The following ATP8A1 variants were observed in gnomAD, a reference collection of about 807,000 sequenced individuals.
ATP8A1 encodes ATPase phospholipid transporting 8A1, also known as phospholipid-transporting ATPase IA.
ATP8A1 carries 90 observed loss-of-function variants against 177.7 expected under a neutral mutation model. The observed-to-expected ratio is 0.51, with a 90% CI of 0.43 to 0.60. The LOEUF (loss-of-function observed/expected upper bound fraction) is 0.60, where lower values mean the gene tolerates loss of function less well. Ranked by LOEUF, ATP8A1 falls within the 20% of genes least tolerant of loss-of-function variation. ATP8A1 has a pLI of 0.00. For synonymous variants in ATP8A1, 493 were observed against 485.9 expected (o/e 1.01, Z -0.19); for missense variants, 1,072 against 1,392.8 (o/e 0.77, Z 3.67).
intron 1 of ATP8A1, among the ~76,000 whole-genome samples, chr4:42,641,681 G>GA (rs2109548844): frequency 6.6e-6 from 1 of 152,220 alleles, no homozygotes; most frequent in Non-Finnish European, 1.5e-5. Context: ...AGATAGAACT[G>GA]AATTACAGCT....
At chr4:42,462,487 C>G (rs776012571) in intron 27 of ATP8A1, among the ~76,000 whole-genome samples, 10 of 152,226 alleles carry the variant, frequency 6.6e-5, no homozygotes, top group Non-Finnish European at 1.5e-4. Flanking sequence ...TGGTGTTGAG[C>G]CTGAGAGTGC....
At chr4:42,560,031 G>C (rs1156974370) in intron 15 of ATP8A1, among the ~76,000 whole-genome samples, 1 of 152,094 alleles carries the variant, frequency 6.6e-6, no homozygotes. Context: ...TAATAGCAAA[G>C]AGTTAGGAAA....
At chr4:42,634,805 ATG>A (rs2109520855) in intron 1 of ATP8A1, among the ~76,000 whole-genome samples, 1 of 152,346 alleles carries the variant, frequency 6.6e-6, no homozygotes, top group Admixed American at 6.5e-5. Flanking sequence ...TAAATAGGCT[ATG>A]TAGTCAGATG....
At chr4:42,606,575 G>C (rs886640551) in intron 5 of ATP8A1, among the ~76,000 whole-genome samples, 1 of 152,142 alleles carries the variant, frequency 6.6e-6, no homozygotes, top group Non-Finnish European at 1.5e-5. Flanking sequence ...TCACCAGCTA[G>C]TCCGTCTCAT....
At chr4:42,503,429 A>G in intron 24 of ATP8A1, 21 bp downstream of exon 24, 7 of 1,435,582 alleles carry the variant, frequency 4.9e-6, no homozygotes, top group South Asian at 1.2e-5. Context: ...AGGAGTTTTA[A>G]AAATACATAA....
At chr4:42,416,912 G>T (rs1713306333) in intron 35 of ATP8A1, among the ~76,000 whole-genome samples, 1 of 152,194 alleles carries the variant, frequency 6.6e-6, no homozygotes, top group African/African-American at 2.4e-5. Context: ...GAGTATTTTT[G>T]ATGCCTTGGT....
intron 29 of ATP8A1, among the ~76,000 whole-genome samples, chr4:42,454,933 C>G (rs902744210): frequency 2.0e-5 from 3 of 152,170 alleles, no homozygotes; most frequent in Non-Finnish European, 4.4e-5. Context: ...CCTTACCAGT[C>G]CTAGATGACT....
At chr4:42,585,519 T>C (rs1420977517) in intron 9 of ATP8A1, among the ~76,000 whole-genome samples, 1 of 145,876 alleles carries the variant, frequency 6.9e-6, no homozygotes, top group African/African-American at 2.6e-5. Flanking sequence ...TGAAGACACA[T>C]ACTAGATGAC....
At chr4:42,509,355 A>G (rs375657384) in intron 22 of ATP8A1, among the ~76,000 whole-genome samples, 1 of 152,202 alleles carries the variant, frequency 6.6e-6, no homozygotes, top group Admixed American at 6.5e-5. Context: ...CAGGCTCCAT[A>G]GTAGAGCTGT....
At chr4:42,537,578 C>T (rs1207473701) in intron 20 of ATP8A1, among the ~76,000 whole-genome samples, 1 of 152,124 alleles carries the variant, frequency 6.6e-6, no homozygotes, top group Non-Finnish European at 1.5e-5. Flanking sequence ...TTTCAGGATA[C>T]AAAATTAATG....
intron 33 of ATP8A1, among the ~76,000 whole-genome samples, chr4:42,443,259 G>A (rs927727803): frequency 2.0e-5 from 3 of 152,170 alleles, no homozygotes; most frequent in African/African-American, 7.2e-5. Context: ...GCTTTATGGT[G>A]TAATTTTAAA....
chr4:42,485,762 T>C, intron 24 of ATP8A1, 94 bp from the exon 25 acceptor site: 1 of 1,001,282 alleles, frequency 1.0e-6, no homozygotes, highest in South Asian at 1.8e-5. Flanking sequence ...CATTTAGTTA[T>C]TTTTAGTGCT....
intron 15 of ATP8A1, among the ~76,000 whole-genome samples, chr4:42,558,967 G>A (rs1367851039): frequency 6.6e-6 from 1 of 152,200 alleles, no homozygotes. Context: ...CTTGAGGCCA[G>A]GAGTTTGAAA....
At chr4:42,489,764 A>G (rs1220935513) in intron 24 of ATP8A1, among the ~76,000 whole-genome samples, 1 of 152,134 alleles carries the variant, frequency 6.6e-6, no homozygotes, top group Non-Finnish European at 1.5e-5. Context: ...ATTGCATTGA[A>G]GCTTATCTCC....
chr4:42,529,957 A>G (rs1727094703), intron 20 of ATP8A1, among the ~76,000 whole-genome samples: 1 of 152,202 alleles, frequency 6.6e-6, no homozygotes, highest in Admixed American at 6.5e-5. Context: ...TGACAAAGAA[A>G]TCTGGGGAAG....
At chr4:42,597,043 G>A (rs1377994433) in intron 6 of ATP8A1, among the ~76,000 whole-genome samples, 1 of 152,212 alleles carries the variant, frequency 6.6e-6, no homozygotes, top group African/African-American at 2.4e-5. Context: ...TTTCAGGGCA[G>A]TAACTGGAGA....
At chr4:42,434,155 C>T (rs1715638047) in intron 33 of ATP8A1, among the ~76,000 whole-genome samples, 1 of 151,860 alleles carries the variant, frequency 6.6e-6, no homozygotes, top group Admixed American at 6.6e-5. Context: ...TTAAAAGTCG[C>T]AGAAAAATGA....
intron 20 of ATP8A1, among the ~76,000 whole-genome samples, chr4:42,527,478 C>T (rs566915969): frequency 1.3e-5 from 2 of 152,268 alleles, no homozygotes; most frequent in South Asian, 2.1e-4. Context: ...ACCATGTTGC[C>T]ATCAGCCTTT....
At position 42,569,192 on chromosome 4, in the gene ATP8A1, G is replaced by C. The variant is rs1353939546; in HGVS notation, c.1309C>G (p.Pro437Ala). The change falls in exon 15 of 37, where the codon CCT becomes GCT. Residue 437 changes from proline to alanine, a missense_variant. By Grantham distance (27) the Pro-to-Ala change is conservative. Around this residue, in one of 5 missense-constraint regions of ATP8A1, gnomAD observed 388 missense variants for 471.7 expected, o/e 0.82. Coordinates refer to ENST00000381668, the MANE Select transcript of ATP8A1 (RefSeq NM_006095.2). ...AGVAYGHVPE[P>A]EDYGCSPDEW... The stretch of plus-strand genomic sequence containing the variant: ...TCAGGAGAGCAGCCATAATCCTCAG[G>C]TTCAGGGACATGGCTTCAGAAAGCA... The C allele has an allele frequency of 6.2e-7, 1 of 1,607,334 alleles. No homozygotes were observed. Among genetic ancestry groups the C allele is most frequent in the Non-Finnish European group, 8.5e-7 (1 of 1,176,584 alleles).
Sources: allele counts gnomAD v4.1 joint callset (sites outside exome capture counted in the v4.1 genomes callset), GRCh38; gene constraint gnomAD v4.1.1; regional missense constraint gnomAD v4.1.1; transcripts MANE v1.5; gene names NCBI Gene and HGNC (gene_info 2026-07-23, HGNC 2026-07-21).